CELSR1: variants seen among roughly 807,000 people sequenced by gnomAD.
CELSR1 encodes adhesion G protein-coupled receptor C1.
Under a neutral mutation model 249.1 loss-of-function variants are expected in CELSR1, and 110 were observed. The ratio of observed to expected loss-of-function variants is 0.44; its 90% CI spans 0.38 to 0.52. The LOEUF is 0.52. CELSR1 is among the 20% of genes least tolerant of loss of function. The pLI, the probability that CELSR1 is intolerant of heterozygous loss-of-function variation, is 0.00. For missense variants in CELSR1, 4,109 were observed against 4,296.4 expected (o/e 0.96, Z 1.22); for synonymous variants, 2,113 against 1,900.0 (o/e 1.11, Z -2.92).
chr22:46,446,159 G>A lies in CELSR1; in HGVS notation c.4184-6748C>T, dbSNP rs1404374990. Among the ~76,000 whole-genome samples, 1 of 152,094 alleles carries A rather than the reference G, an allele frequency of 6.6e-6. No individual in the cohort carries two copies. Among genetic ancestry groups the A allele is most frequent in the South Asian group, 2.1e-4 (1 of 4,818 alleles). On this transcript the variant is annotated intron_variant, in intron 2 of 34. Coordinates refer to ENST00000674500, the MANE Select transcript of CELSR1 (RefSeq NM_001378328.1). The surrounding 1 kb of genome is among the most constrained non-coding windows in gnomAD (Gnocchi z 5.5). ...CTCCACACCATACTCACGAGCCTGT[G>A]CCGGCCCCACTGTCTCCCTCCTCCC...
At position 46,374,639 on chromosome 22, in the gene CELSR1, G is replaced by A. The variant is rs965200240; in HGVS notation, c.7585-1582C>T. ...GAGTCAGTGTGGGAACCCAGGGGCC[G>A]CCTCAGTTTCGCTGGGGTGTTGAGT... On this transcript the variant is annotated intron_variant, in intron 24 of 34. Transcript: ENST00000674500. The surrounding 1 kb of genome is among the most constrained non-coding windows in gnomAD (Gnocchi z 4.3). 1.3e-5 allele frequency among the ~76,000 whole-genome samples: 2 copies of A among 152,162 alleles called. No individual in the cohort carries two copies. The highest frequency in any genetic ancestry group is 1.9e-4 in the East Asian group (1 of 5,174).
At chr22:46,372,609 G>A (rs984205902) in intron 25 of CELSR1, among the ~76,000 whole-genome samples, 8 of 150,856 alleles carry the variant, frequency 5.3e-5, no homozygotes, top group African/African-American at 1.7e-4. Context: ...ATGTGTAGAC[G>A]TGGAACTTTT....
Position 46,381,786 on chromosome 22 carries a change from T to G in CELSR1, c.7088+60A>C. The G allele has an allele frequency of 6.9e-7, 1 of 1,441,032 alleles. No homozygotes were observed. The highest frequency in any genetic ancestry group is 9.4e-7 in the Non-Finnish European group (1 of 1,067,868). 89.3% of individuals were successfully genotyped at this position (1,441,032 alleles called of 1,614,324 possible). A position where few individuals can be genotyped will look rare whatever the true frequency, so the allele number is the denominator to read the frequency against. ...TGATCAGGATCAGGATTTTGACCTG[T>G]GGAAGCCTCAGGAGCCTCCAGAACG... On this transcript the variant is annotated intron_variant, in intron 21 of 34. Transcript: ENST00000674500. The surrounding 1 kb of genome is among the most constrained non-coding windows in gnomAD (Gnocchi z 6.0).
At position 46,463,889 on chromosome 22, in the gene CELSR1, G is replaced by C; in HGVS notation, c.4001C>G (p.Thr1334Ser). The change falls in exon 2 of 35, where the codon ACC becomes AGC. Residue 1334 changes from threonine (T) to serine (S), a missense_variant. This residue lies in a region of CELSR1 where 141 missense variants were observed against 209.4 expected (regional missense o/e 0.67). Transcript: ENST00000674500. ...GTGGATGGGCCGGAAGAGCACGGTG[G>C]TGGAGCTGAGGAAGGGCGCGGAGCT... ...FDSSAPFLSS[T>S]TVLFRPIHPI... 4.3e-6 allele frequency: 7 copies of C among 1,613,374 alleles called. No homozygotes were observed. Among genetic ancestry groups the C allele is most frequent in the Non-Finnish European group, 5.1e-6 (6 of 1,179,612 alleles).
chr22:46,400,598 G>A (rs1368458892), intron 9 of CELSR1, among the ~76,000 whole-genome samples: 2 of 151,792 alleles, frequency 1.3e-5, no homozygotes, highest in African/African-American at 2.4e-5. Flanking sequence ...CCGAGATCGC[G>A]CCACTGCACT....
Position 46,365,574 on chromosome 22 carries a change from G to C in CELSR1, c.8404+12C>G. The C allele has an allele frequency of 6.3e-7, 1 of 1,579,782 alleles. No individual in the cohort carries two copies. Among genetic ancestry groups the C allele is most frequent in the Non-Finnish European group, 8.6e-7 (1 of 1,162,770 alleles). On this transcript the variant is annotated intron_variant, in intron 31 of 34. Coordinates refer to ENST00000674500, the MANE Select transcript of CELSR1 (RefSeq NM_001378328.1). ...CAACCCACGGGGTCCTCCCCCTCCA[G>C]GGAAGCCATACCAGGGGGATCCTTG... is the stretch of plus-strand genomic sequence containing the variant.
rs555914936 is a variant in CELSR1, at chr22:46,410,242, C to T, written c.4933+156G>A. 4.1e-4 allele frequency among the ~76,000 whole-genome samples: 63 copies of T among 152,340 alleles called. No individual in the cohort carries two copies. Among genetic ancestry groups the T allele is most frequent in the Non-Finnish European group, 8.1e-4 (55 of 68,026 alleles). On this transcript the variant is annotated intron_variant, in intron 7 of 34. Coordinates refer to ENST00000674500, the MANE Select transcript of CELSR1 (RefSeq NM_001378328.1). The surrounding 1 kb of genome is among the most constrained non-coding windows in gnomAD (Gnocchi z 6.8). ...GAGATGCACATCTCCAGCCTGGACTCCGGGTTCCATCCCAGGAGCTGCCCA... is the reference window on the plus strand; with the variant it reads ...GAGATGCACATCTCCAGCCTGGACTTCGGGTTCCATCCCAGGAGCTGCCCA...
In CELSR1 at chr22:46,437,618, G is replaced by A. The variant is rs558202966; in HGVS notation, c.4407-1329C>T. Among the ~76,000 whole-genome samples, 1 of 152,204 alleles carries A rather than the reference G, an allele frequency of 6.6e-6. No homozygotes were observed. Among genetic ancestry groups the A allele is most frequent in the Admixed American group, 6.5e-5 (1 of 15,292 alleles). Reference sequence around the variant, plus strand: ...ATACGAAAATTAGCCGGGCATGGTGGTGGGCACCTGTAATCCCAGCTACTC... The same window carrying A: ...ATACGAAAATTAGCCGGGCATGGTGATGGGCACCTGTAATCCCAGCTACTC... On this transcript the variant is annotated intron_variant, in intron 3 of 34. Coordinates refer to ENST00000674500, the MANE Select transcript of CELSR1 (RefSeq NM_001378328.1). The surrounding 1 kb of genome is among the most constrained non-coding windows in gnomAD (Gnocchi z 4.9).
chr22:46,439,050 G>C (rs1447879799), intron 3 of CELSR1, 139 bp downstream of exon 3: 1 of 830,292 alleles, frequency 1.2e-6, no homozygotes, highest in Non-Finnish European at 1.9e-6. Context: ...GAGCCACCGC[G>C]CCTGGCCTGG....
chr22:46,534,320 G>A lies in CELSR1; in HGVS notation c.2851C>T (p.Arg951Cys), dbSNP rs866727156. ...TCCCGGTCCAGCCGGCGCTGGGTGCGAATCACACCGGACGTGGGCTCGATG... is the reference window on the plus strand; with the variant it reads ...TCCCGGTCCAGCCGGCGCTGGGTGCAAATCACACCGGACGTGGGCTCGATG... The part of the protein sequence containing the change: ...FYIEPTSGVI[R>C]TQRRLDRENV... The change falls in exon 1 of 35, where the codon CGC (arginine) becomes TGC (cysteine). Residue 951 changes from arginine to cysteine, a missense_variant. Physicochemically the swap from Arg to Cys is radical, Grantham distance 180. Around this residue, in one of 7 missense-constraint regions of CELSR1, gnomAD observed 886 missense variants for 896.5 expected, o/e 0.99. Transcript: ENST00000674500. The surrounding 1 kb of genome is among the most constrained non-coding windows in gnomAD (Gnocchi z 9.7). 4 of 1,613,070 alleles carry A rather than the reference G, an allele frequency of 2.5e-6. No individual in the cohort carries two copies. Among genetic ancestry groups the A allele is most frequent in the South Asian group, 1.1e-5 (1 of 91,086 alleles).
Position 46,535,022 on chromosome 22 carries a change from T to C in CELSR1, c.2149A>G (p.Asn717Asp). The C allele has an allele frequency of 6.2e-7, 1 of 1,612,526 alleles. No individual in the cohort carries two copies. The highest frequency in any genetic ancestry group is 8.5e-7 in the Non-Finnish European group (1 of 1,179,890). Reference sequence around the variant, plus strand: ...GTGAGCTGGTAGGTAATCACACTGTTGGCGTCACGGTCGCGGGCCTGCAGG... The same window carrying C: ...GTGAGCTGGTAGGTAATCACACTGTCGGCGTCACGGTCGCGGGCCTGCAGG... Reference protein sequence around the residue: ...LTLQARDRDANSVITYQLTGG... With the variant: ...LTLQARDRDADSVITYQLTGG... The change falls in exon 1 of 35, where the codon AAC (asparagine) becomes GAC (aspartate). Residue 717 changes from asparagine (N) to aspartate (D), a missense_variant. Around this residue, in one of 7 missense-constraint regions of CELSR1, gnomAD observed 886 missense variants for 896.5 expected, o/e 0.99. Transcript: ENST00000674500.
chr22:46,494,831 A>G (rs912150675), intron 1 of CELSR1, among the ~76,000 whole-genome samples: 2 of 152,124 alleles, frequency 1.3e-5, no homozygotes, highest in African/African-American at 4.8e-5. Flanking sequence ...GTAACATTTT[A>G]TAGTGTTCTG....
At chr22:46,386,137 T>A (rs979902460) in intron 19 of CELSR1, among the ~76,000 whole-genome samples, 33 of 152,092 alleles carry the variant, frequency 2.2e-4, no homozygotes, top group Non-Finnish European at 8.8e-5. Context: ...ACCTGGCTAC[T>A]TTTTGTATTT....
chr22:46,396,465 C>A lies in CELSR1; in HGVS notation c.5843+140G>T. 1 of 892,254 alleles carries A rather than the reference C, an allele frequency of 1.1e-6. No homozygotes were observed. Among genetic ancestry groups the A allele is most frequent in the Non-Finnish European group, 1.5e-6 (1 of 667,594 alleles). The allele number at this position is 892,254 out of a possible 1,614,324, so 55.3% of individuals were successfully genotyped here. On this transcript the variant is annotated intron_variant, in intron 13 of 34. Coordinates refer to ENST00000674500, the MANE Select transcript of CELSR1 (RefSeq NM_001378328.1). The surrounding 1 kb of genome is among the most constrained non-coding windows in gnomAD (Gnocchi z 6.4). ...AATTTGATTTTCACTTAATTCATGCCAAATTAAAAAAAAATATGTCCCTGT... is the reference window on the plus strand; with the variant it reads ...AATTTGATTTTCACTTAATTCATGCAAAATTAAAAAAAAATATGTCCCTGT...
chr22:46,524,579 TC>T (rs1569218341), intron 1 of CELSR1, among the ~76,000 whole-genome samples: 5 of 144,960 alleles, frequency 3.4e-5, no homozygotes, highest in African/African-American at 5.0e-5. Flanking sequence ...TGTCTGTCTG[TC>T]TGTGTGTTTT....
rs2079112522 is a variant in CELSR1, at chr22:46,393,237, G to A, written c.5964+905C>T. Among the ~76,000 whole-genome samples the A allele has an allele frequency of 1.3e-5, 2 of 152,190 alleles. No individual in the cohort carries two copies. Among genetic ancestry groups the A allele is most frequent in the South Asian group, 2.1e-4 (1 of 4,834 alleles). On this transcript the variant is annotated intron_variant, in intron 14 of 34. Coordinates refer to ENST00000674500, the MANE Select transcript of CELSR1 (RefSeq NM_001378328.1). This position sits in a 1 kb window ranked among gnomAD's most constrained non-coding sequence, Gnocchi z 4.1. ...TGGCCGTGGTGTACACGAAGATCCT[G>A]AAGGAGGTGATGTATCCTGAGAGGG...
intron 1 of CELSR1, among the ~76,000 whole-genome samples, chr22:46,519,380 G>C (rs917153688): frequency 2.6e-5 from 4 of 152,250 alleles, no homozygotes; most frequent in African/African-American, 9.6e-5. Flanking sequence ...ACTTGAACCA[G>C]CGTGTGTACT....
rs532858495 is a variant in CELSR1 at position 46,391,567 on chromosome 22, G to A, written c.6148+66C>T. The A allele has an allele frequency of 3.9e-4, 579 of 1,473,996 alleles. No homozygotes were observed. The highest frequency in any genetic ancestry group is 4.7e-4 in the Non-Finnish European group (524 of 1,115,594). The allele number at this position is 1,473,996 out of a possible 1,614,324, so 91.3% of individuals were successfully genotyped here. The stretch of plus-strand genomic sequence containing the variant: ...AAACACCCAGCGTGCATGCACACAC[G>A]TGCACGCCAGTGCAGCAGCCTGTCC... On this transcript the variant is annotated intron_variant, in intron 15 of 34. Coordinates refer to ENST00000674500, the MANE Select transcript of CELSR1 (RefSeq NM_001378328.1). This position sits in a 1 kb window ranked among gnomAD's most constrained non-coding sequence, Gnocchi z 4.3.
intron 1 of CELSR1, among the ~76,000 whole-genome samples, chr22:46,467,544 C>T (rs978977630): frequency 1.6e-4 from 25 of 151,916 alleles, no homozygotes; most frequent in African/African-American, 5.8e-4. Flanking sequence ...TGGAAGGAGC[C>T]GGGCGTGGTG....
Sources: gnomAD v4.1 joint callset for allele counts (sites outside exome capture counted in the v4.1 genomes callset) on GRCh38, gnomAD v4.1.1 for gene constraint, gnomAD v4.1.1 regional missense constraint, Gnocchi (gnomAD v3.1) non-coding constraint, MANE v1.5 for transcripts, NCBI Gene and HGNC (gene_info 2026-07-23, HGNC 2026-07-21) for gene names.